Variants in ZFYVE26 observed in about 807,000 individuals in gnomAD.
ZFYVE26 encodes zinc finger FYVE domain-containing protein 26.
A neutral mutation model predicts 276.5 loss-of-function variants in ZFYVE26; 181 were observed. The observed-to-expected ratio is 0.65, with a 90% CI of 0.58 to 0.74. ZFYVE26 has a LOEUF of 0.74. ZFYVE26 is among the 30% of genes least tolerant of loss of function. The pLI is 0.00. For synonymous variants in ZFYVE26, 1,129 were observed against 1,203.1 expected (o/e 0.94, Z 1.27); for missense variants, 2,821 against 3,097.9 (o/e 0.91, Z 2.12).
chr14:67,790,195 C>A (rs990685691), intron 15 of ZFYVE26, among the ~76,000 whole-genome samples: 1 of 152,190 alleles, frequency 6.6e-6, no homozygotes, highest in Admixed American at 6.5e-5. Context: ...TACCCAACTG[C>A]ACTTTATAGA....
intron 36 of ZFYVE26, among the ~76,000 whole-genome samples, chr14:67,755,744 C>G (rs529659422): frequency 2.4e-4 from 37 of 152,182 alleles, no homozygotes; most frequent in Non-Finnish European, 4.6e-4. Context: ...CCTTTATTGA[C>G]AGGATTAAAG....
intron 25 of ZFYVE26, among the ~76,000 whole-genome samples, chr14:67,777,016 T>C (rs1249374552): frequency 6.6e-6 from 1 of 152,220 alleles, no homozygotes; most frequent in Non-Finnish European, 1.5e-5. Context: ...AAGTTATACA[T>C]CAAAGGTAAG....
At chr14:67,807,182 G>T (rs1178325745) in intron 5 of ZFYVE26, among the ~76,000 whole-genome samples, 1 of 152,146 alleles carries the variant, frequency 6.6e-6, no homozygotes, top group African/African-American at 2.4e-5. Flanking sequence ...AGCCTCACAT[G>T]ATCCTCCTTG....
chr14:67,757,669 TCTTTCTTTCTTTCTCTCTCTCTTTC>T (rs1467013112), intron 35 of ZFYVE26, among the ~76,000 whole-genome samples: 3 of 146,574 alleles, frequency 2.0e-5, no homozygotes, highest in African/African-American at 8.0e-5. Flanking sequence ...TTTCTTTCTT[TCTTTCTTTCTTTCTCTCTCTCTTTC>T]CTTTCTTTCT....
chr14:67,766,584 A>G (rs1330390639), intron 31 of ZFYVE26, 137 bp from the exon 32 acceptor site: 5 of 771,086 alleles, frequency 6.5e-6, no homozygotes, highest in Non-Finnish European at 1.1e-5. Flanking sequence ...CAGATTCTAC[A>G]AGAAAGCAGA....
chr14:67,751,503 C>T (rs1366222422), intron 40 of ZFYVE26: 1 of 294,476 alleles, frequency 3.4e-6, no homozygotes, highest in Non-Finnish European at 6.6e-6. Context: ...GCCTCAGCCT[C>T]TAGAACAGCT....
At chr14:67,808,624 C>T (rs559645973) in intron 4 of ZFYVE26, among the ~76,000 whole-genome samples, 215 of 152,056 alleles carry the variant, frequency 1.4e-3, no homozygotes, top group Non-Finnish European at 2.8e-3. Context: ...AGATGGTACT[C>T]GATGATGCCA....
chr14:67,800,327 G>A (rs1186119185), intron 10 of ZFYVE26, among the ~76,000 whole-genome samples: 2 of 152,180 alleles, frequency 1.3e-5, no homozygotes, highest in African/African-American at 4.8e-5. Context: ...ATAAAGAGAT[G>A]TATGTTATAG....
chr14:67,766,439 G>A lies in ZFYVE26; in HGVS notation c.5799C>T (p.Ser1933=), dbSNP rs145858625. The change falls in exon 32 of 42, where the codon AGC becomes AGT. Residue 1933 remains serine (S), a synonymous_variant. Coordinates refer to ENST00000347230, the MANE Select transcript of ZFYVE26 (RefSeq NM_015346.4). The part of the protein sequence containing the change: ...RSEFYYEQAP[S]ASLCIAILNL... ...TCAGGATGGCAATGCACAAGGAGGC[G>A]CTGGGGGCCTGGCCGGGGTGGAAGA... 2.1e-4 allele frequency: 340 copies of A among 1,612,188 alleles called. 2 individuals are homozygous for A. The African/African-American group carries it at 3.6e-3, about 17-fold the overall frequency.
At chr14:67,769,979 G>A in intron 28 of ZFYVE26, 1 of 539,034 alleles carries the variant, frequency 1.9e-6, no homozygotes, top group Middle Eastern at 5.1e-4. Flanking sequence ...AGTTCTACTT[G>A]TGTATGGAGG....
chr14:67,790,725 T>C lies in ZFYVE26; in HGVS notation c.2602A>G (p.Met868Val). The change falls in exon 15 of 42, where the codon ATG becomes GTG. Residue 868 changes from methionine to valine, a missense_variant. Physicochemically the swap from Met to Val is conservative, Grantham distance 21. Coordinates refer to ENST00000347230, the MANE Select transcript of ZFYVE26 (RefSeq NM_015346.4). ...ACTTCCTGGTAGCGCTCCATGAACA[T>C]CAGTTCCCCTGAACTGGGTGAGGAC... ...LKSSPSSGELMFMERYQEVIQ... is the reference protein window; with the variant it reads ...LKSSPSSGELVFMERYQEVIQ... The C allele has an allele frequency of 6.2e-7, 1 of 1,614,194 alleles. No homozygotes were observed. The highest frequency in any genetic ancestry group is 8.5e-7 in the Non-Finnish European group (1 of 1,180,028).
chr14:67,801,381 G>A (rs936798621), intron 10 of ZFYVE26, among the ~76,000 whole-genome samples: 3 of 152,170 alleles, frequency 2.0e-5, no homozygotes, highest in South Asian at 2.1e-4. Context: ...AAGGTAACAT[G>A]CAGACCCTTT....
chr14:67,751,900 C>A (rs1489668408), intron 40 of ZFYVE26, among the ~76,000 whole-genome samples: 2 of 151,856 alleles, frequency 1.3e-5, no homozygotes, highest in Non-Finnish European at 2.9e-5. Context: ...TTAACCATAA[C>A]ACTAAGCTTC....
intron 35 of ZFYVE26, among the ~76,000 whole-genome samples, chr14:67,758,561 G>A (rs2038847407): frequency 6.6e-6 from 1 of 152,212 alleles, no homozygotes; most frequent in Non-Finnish European, 1.5e-5. Flanking sequence ...GGCTAATGCT[G>A]CTTGAGTGTT....
chr14:67,762,189 T>C lies in ZFYVE26; in HGVS notation c.6369+14A>G. 1 of 1,613,666 alleles carries C rather than the reference T, an allele frequency of 6.2e-7. No homozygotes were observed. The highest frequency in any genetic ancestry group is 2.2e-5 in the East Asian group (1 of 44,878). ...CCCTCCCTGAGCCAGGCACTCTTCC[T>C]GCCTTGCTCTTACCAAGGATACAAA... On this transcript the variant is annotated intron_variant, in intron 34 of 41. Coordinates refer to ENST00000347230, the MANE Select transcript of ZFYVE26 (RefSeq NM_015346.4).
intron 13 of ZFYVE26, among the ~76,000 whole-genome samples, chr14:67,730,643 ACT>A (rs2038257177): frequency 6.6e-6 from 1 of 152,074 alleles, no homozygotes; most frequent in Non-Finnish European, 1.5e-5. Context: ...CACTCTTGTC[ACT>A]CAGGCTGGAG....
chr14:67,792,587 C>T (rs1420431679), intron 14 of ZFYVE26, among the ~76,000 whole-genome samples: 1 of 152,192 alleles, frequency 6.6e-6, no homozygotes, highest in Non-Finnish European at 1.5e-5. Context: ...TGCTAGCTCT[C>T]CATACTTCTT....
Position 67,780,214 on chromosome 14 carries a change from G to C in ZFYVE26, c.4674+27C>G, listed in dbSNP as rs781561649. 1.6e-5 allele frequency: 26 copies of C among 1,599,678 alleles called. No individual in the cohort carries two copies. The Admixed American group carries it at 4.2e-4, about 26-fold the overall frequency. ...GTTGTAACTCTGAAAGGAGGATGAAGGGGAACACCACCCAGGAAAACGGTA... is the reference window on the plus strand; with the variant it reads ...GTTGTAACTCTGAAAGGAGGATGAACGGGAACACCACCCAGGAAAACGGTA... On this transcript the variant is annotated intron_variant, in intron 23 of 41. Coordinates refer to ENST00000347230, the MANE Select transcript of ZFYVE26 (RefSeq NM_015346.4).
At chr14:67,798,932 C>T (rs1414413117) in intron 10 of ZFYVE26, 2 of 1,093,064 alleles carry the variant, frequency 1.8e-6, no homozygotes, top group East Asian at 2.4e-5. Context: ...CGCTTGGCGC[C>T]TCTGATCTTT....
Sources: allele counts gnomAD v4.1 joint callset (sites outside exome capture counted in the v4.1 genomes callset), GRCh38; gene constraint gnomAD v4.1.1; transcripts MANE v1.5; gene names NCBI Gene and HGNC (gene_info 2026-07-23, HGNC 2026-07-21).